RRM1: variants seen among roughly 807,000 people sequenced by gnomAD.
RRM1 encodes ribonucleotide reductase catalytic subunit M1, also known as ribonucleoside-diphosphate reductase large subunit.
RRM1 carries 19 observed loss-of-function variants against 101.5 expected under a neutral mutation model. That is an observed-to-expected ratio of 0.19 (90% CI 0.13 to 0.27). The LOEUF (loss-of-function observed/expected upper bound fraction) is 0.27. Ranked by LOEUF, RRM1 falls within the 10% of genes least tolerant of loss-of-function variation. The probability of loss-of-function intolerance (pLI) is 1.00; values close to 1 mark genes in which losing one functional copy is unlikely to be tolerated. For missense variants in RRM1, 500 were observed against 962.9 expected, an observed-to-expected ratio of 0.52 and a Z score of 6.36; for synonymous variants, 298 against 323.4, an observed-to-expected ratio of 0.92 and a Z score of 0.84.
chr11:4,123,094 C>T, intron 11 of RRM1, 89 bp from the exon 12 acceptor site: 2 of 999,110 alleles, frequency 2.0e-6, no homozygotes, highest in Non-Finnish European at 2.9e-6. Context: ...TAAGAGTTTT[C>T]ATAACTTTAT....
chr11:4,111,402 C>A (rs546989204), intron 5 of RRM1, among the ~76,000 whole-genome samples, 199 bp from the exon 6 acceptor site: 36 of 143,980 alleles, frequency 2.5e-4, no homozygotes, highest in African/African-American at 9.6e-4. Context: ...CAGAGCGAGA[C>A]TCTGTCTCAA....
intron 18 of RRM1, chr11:4,137,427 GCGGCTGGCCGGGCGGGGGGCT>G (rs2094613476): frequency 6.5e-6 from 1 of 152,774 alleles, no homozygotes; most frequent in Non-Finnish European, 1.4e-5. Flanking sequence ...CCCGGACGGG[GCGGCTGGCCGGGCGGGGGGCT>G]CACACCCCCA....
At chr11:4,135,839 A>G (rs1322327161) in intron 18 of RRM1, among the ~76,000 whole-genome samples, 1 of 151,502 alleles carries the variant, frequency 6.6e-6, no homozygotes, top group Non-Finnish European at 1.5e-5. Context: ...TTTAAGTAGA[A>G]TTATAAATTT....
intron 2 of RRM1, among the ~76,000 whole-genome samples, chr11:4,102,642 A>C: frequency 6.9e-6 from 1 of 144,092 alleles, no homozygotes. Context: ...ACAGAGCGAG[A>C]CTCCCTCTCA....
At position 4,094,848 on chromosome 11, in the gene RRM1, G is replaced by A. The variant is rs1043180101; in HGVS notation, c.-165G>A. On this transcript the variant is annotated 5_prime_UTR_variant, in exon 1 of 19. Coordinates refer to ENST00000300738, the MANE Select transcript of RRM1 (RefSeq NM_001033.5). ...GCGCGGGAAGGGGATTTGGATTGTT[G>A]CGCCTCTGCTCTGAAGAAAGTGCTG... is the stretch of plus-strand genomic sequence containing the variant. 3 of 680,448 alleles carry A rather than the reference G, an allele frequency of 4.4e-6. No individual in the cohort carries two copies. The highest frequency in any genetic ancestry group is 3.9e-4 in the Middle Eastern group (1 of 2,544). 42.2% of individuals were successfully genotyped at this position (680,448 alleles called of 1,614,324 possible). A position where few individuals can be genotyped will look rare whatever the true frequency, so the allele number is the denominator to read the frequency against.
In RRM1 at chr11:4,133,572, C is replaced by T; in HGVS notation, c.1915C>T (p.Pro639Ser). The change falls in exon 17 of 19, where the codon CCT (proline) becomes TCT (serine). Residue 639 changes from proline (P) to serine (S), a missense_variant. Pro to Ser is a moderately conservative substitution (Grantham distance 74). This residue lies in a region of RRM1 where 79 missense variants were observed against 176.4 expected (regional missense o/e 0.45). Transcript: ENST00000300738. ...VLSGEFQIVN[P>S]HLLKDLTERG... is the part of the protein sequence containing the mutation. ...CTGCTTTTCCATTCAGATTGTAAATCCTCACTTATTGAAAGATCTTACCGA... is the reference window on the plus strand; with the variant it reads ...CTGCTTTTCCATTCAGATTGTAAATTCTCACTTATTGAAAGATCTTACCGA... 6.2e-7 allele frequency: 1 copy of T among 1,604,960 alleles called. No homozygotes were observed. The highest frequency in any genetic ancestry group is 8.5e-7 in the Non-Finnish European group (1 of 1,173,776).
intron 3 of RRM1, 29 bp downstream of exon 3, chr11:4,106,252 T>C (rs1265715437): frequency 1.3e-6 from 2 of 1,569,742 alleles, no homozygotes; most frequent in South Asian, 1.1e-5. Flanking sequence ...AGTAAAAATT[T>C]AGTACTCTCA....
chr11:4,110,802 A>C (rs1303078496), intron 5 of RRM1, among the ~76,000 whole-genome samples: 1 of 151,236 alleles, frequency 6.6e-6, no homozygotes, highest in African/African-American at 2.4e-5. Flanking sequence ...CCTGTAACAG[A>C]CCAGGCACTG....
In RRM1 at chr11:4,106,112, T is replaced by C. The variant is rs1451924884; in HGVS notation, c.175T>C (p.Leu59=). ...GGTCACCACAGTGGAACTAGATACT[T>C]TGGCTGCTGAAACAGCTGCAACCTT... The part of the protein sequence containing the change: ...SGVTTVELDT[L]AAETAATLTT... The change falls in exon 3 of 19, where the codon TTG becomes CTG. Residue 59 remains leucine (L), a synonymous_variant. Transcript: ENST00000300738. 1 of 1,613,764 alleles carries C rather than the reference T, an allele frequency of 6.2e-7. No individual in the cohort carries two copies. Among genetic ancestry groups the C allele is most frequent in the African/African-American group, 1.3e-5 (1 of 74,890 alleles).
At chr11:4,104,669 A>G (rs1005438754) in intron 2 of RRM1, among the ~76,000 whole-genome samples, 2 of 152,188 alleles carry the variant, frequency 1.3e-5, no homozygotes, top group African/African-American at 4.8e-5. Flanking sequence ...AGTAATAATC[A>G]TCTCACAAAG....
In RRM1 at chr11:4,132,482, A is replaced by G; in HGVS notation, c.1905+61A>G. 1 of 1,569,354 alleles carries G rather than the reference A, an allele frequency of 6.4e-7. No homozygotes were observed. Among genetic ancestry groups the G allele is most frequent in the South Asian group, 1.1e-5 (1 of 88,444 alleles). On this transcript the variant is annotated intron_variant, in intron 16 of 18. Transcript: ENST00000300738. This position sits in a 1 kb window ranked among gnomAD's most constrained non-coding sequence, Gnocchi z 4.1. The stretch of plus-strand genomic sequence containing the variant: ...TTCAAAAGCCTGATGTTGGGAGTAA[A>G]TGCTCACTCATGTTTAATTTGCCCA...
chr11:4,134,219 G>C (rs1271596588), intron 17 of RRM1, among the ~76,000 whole-genome samples: 2 of 152,088 alleles, frequency 1.3e-5, no homozygotes, highest in African/African-American at 4.8e-5. Context: ...TGATCCGCCT[G>C]CCTTGGCCTC....
At chr11:4,110,752 G>A (rs1478123626) in intron 5 of RRM1, among the ~76,000 whole-genome samples, 2 of 143,472 alleles carry the variant, frequency 1.4e-5, no homozygotes, top group Non-Finnish European at 3.0e-5. Flanking sequence ...CTGGGTGACA[G>A]AGTGAGACTC....
At chr11:4,122,650 A>C (rs1422670089) in intron 11 of RRM1, among the ~76,000 whole-genome samples, 1 of 152,182 alleles carries the variant, frequency 6.6e-6, no homozygotes, top group African/African-American at 2.4e-5. Flanking sequence ...AGGCAGGTGG[A>C]TCATTTGAGG....
At chr11:4,127,277 G>T (rs769554218) in intron 14 of RRM1, 21 bp downstream of exon 14, 2 of 1,507,576 alleles carry the variant, frequency 1.3e-6, no homozygotes, top group Admixed American at 2.2e-5. Context: ...GGATGGAATT[G>T]TTTTTGCCTG....
intron 18 of RRM1, among the ~76,000 whole-genome samples, chr11:4,135,655 G>T: frequency 6.6e-6 from 1 of 151,908 alleles, no homozygotes; most frequent in African/African-American, 2.4e-5. Flanking sequence ...GCCATTTTGT[G>T]TGCATTACCA....
At position 4,094,879 on chromosome 11, in the gene RRM1, C is replaced by A; in HGVS notation, c.-134C>A. The A allele has an allele frequency of 5.5e-6, 5 of 906,672 alleles. No homozygotes were observed. The highest frequency in any genetic ancestry group is 8.8e-6 in the Non-Finnish European group (5 of 565,598). 56.2% of individuals were successfully genotyped at this position (906,672 alleles called of 1,614,324 possible). On this transcript the variant is annotated 5_prime_UTR_variant, in exon 1 of 19. Transcript: ENST00000300738. ...CTGCTCTGAAGAAAGTGCTGTCTGG[C>A]TCCAACTCCAGTTCTTTCCCCTGAG...
At position 4,126,148 on chromosome 11, in the gene RRM1, A is replaced by G. The variant is rs145078124; in HGVS notation, c.1321-536A>G. Reference sequence around the variant, plus strand: ...TTTCAGAAATCACAAATTGAGATCCATTGTTGCTAAGGGCTTGTCAGAATA... The same window carrying G: ...TTTCAGAAATCACAAATTGAGATCCGTTGTTGCTAAGGGCTTGTCAGAATA... On this transcript the variant is annotated intron_variant, in intron 12 of 18. Transcript: ENST00000300738. Among the ~76,000 whole-genome samples the G allele has an allele frequency of 3.5e-3, 535 of 152,362 alleles. 1 individual carries two copies. Among genetic ancestry groups the G allele is most frequent in the African/African-American group, 0.012 (508 of 41,584 alleles).
intron 10 of RRM1, 85 bp from the exon 11 acceptor site, chr11:4,122,056 G>T: frequency 9.4e-7 from 1 of 1,067,646 alleles, no homozygotes; most frequent in Non-Finnish European, 1.4e-6. Flanking sequence ...GCTTGTAAAA[G>T]TCACCTTATG....
Sources: gnomAD v4.1 joint callset for allele counts (sites outside exome capture counted in the v4.1 genomes callset) on GRCh38, gnomAD v4.1.1 for gene constraint, gnomAD v4.1.1 regional missense constraint, Gnocchi (gnomAD v3.1) non-coding constraint, MANE v1.5 for transcripts, NCBI Gene and HGNC (gene_info 2026-07-23, HGNC 2026-07-21) for gene names.